SPAG17: variants seen among roughly 807,000 people sequenced by gnomAD.
SPAG17 encodes sperm-associated antigen 17.
Under a neutral mutation model 273.6 loss-of-function variants are expected in SPAG17, and 169 were observed. The observed-to-expected ratio is 0.62, with a 90% CI of 0.55 to 0.70. The LOEUF is 0.70. SPAG17 is among the 30% of genes least tolerant of loss of function. The pLI, the probability that SPAG17 is intolerant of heterozygous loss-of-function variation, is 0.00. For missense variants in SPAG17, 2,557 were observed against 2,627.8 expected (o/e 0.97, Z 0.59); for synonymous variants, 825 against 873.2 (o/e 0.94, Z 0.97).
At position 118,042,371 on chromosome 1, in the gene SPAG17, C is replaced by A. The variant is rs550285771; in HGVS notation, c.2815-329G>T. Reference sequence around the variant, plus strand: ...CTTAACTGGTCTCCCAGTCTCCTATCCTCCACATGAGTCCGATCTTTAATT... The same window carrying A: ...CTTAACTGGTCTCCCAGTCTCCTATACTCCACATGAGTCCGATCTTTAATT... On this transcript the variant is annotated intron_variant, in intron 20 of 48. Transcript: ENST00000336338. Among the ~76,000 whole-genome samples the A allele has an allele frequency of 4.6e-5, 7 of 152,272 alleles. No individual in the cohort carries two copies. In the East Asian group the frequency reaches 1.4e-3, roughly 29 times the overall value.
chr1:117,994,688 TAAG>T (rs1437277640), intron 34 of SPAG17, among the ~76,000 whole-genome samples, 158 bp from the exon 35 acceptor site: 14 of 152,126 alleles, frequency 9.2e-5, no homozygotes, highest in Admixed American at 8.5e-4. Flanking sequence ...TACAATCAAA[TAAG>T]AAGGATGAAG....
chr1:118,165,249 T>C (rs1660107539), intron 1 of SPAG17, among the ~76,000 whole-genome samples: 1 of 152,086 alleles, frequency 6.6e-6, no homozygotes, highest in Admixed American at 6.5e-5. Context: ...GGCCTAAGGA[T>C]TTTCATCTCT....
chr1:118,033,003 C>A (rs1557934371), intron 24 of SPAG17, among the ~76,000 whole-genome samples: 1 of 152,098 alleles, frequency 6.6e-6, no homozygotes, highest in Non-Finnish European at 1.5e-5. Flanking sequence ...CCACCTTGAC[C>A]TACTGAATCA....
chr1:117,994,267 T>C (rs1657417353), intron 35 of SPAG17, 139 bp downstream of exon 35: 1 of 850,564 alleles, frequency 1.2e-6, no homozygotes, highest in East Asian at 3.1e-5. Flanking sequence ...TCTTCAAATA[T>C]AAAACTCCTT....
chr1:118,085,245 G>A (rs1654898176), intron 13 of SPAG17, among the ~76,000 whole-genome samples: 2 of 152,070 alleles, frequency 1.3e-5, no homozygotes, highest in Admixed American at 1.3e-4. Context: ...AGGACAGAAT[G>A]GAAAGAGACA....
intron 4 of SPAG17, among the ~76,000 whole-genome samples, chr1:118,109,189 T>A (rs1656602152): frequency 6.6e-6 from 1 of 151,036 alleles, no homozygotes; most frequent in South Asian, 2.1e-4. Context: ...GTTGTCAGAC[T>A]GGAGTGCAGT....
intron 48 of SPAG17, chr1:117,962,750 T>C (rs1275276437): frequency 1.3e-5 from 2 of 152,242 alleles, no homozygotes; most frequent in Non-Finnish European, 1.5e-5. Flanking sequence ...TCTAAAGATA[T>C]CTAGCAAATC....
chr1:118,085,090 A>C (rs1654882916), intron 13 of SPAG17, among the ~76,000 whole-genome samples: 1 of 152,206 alleles, frequency 6.6e-6, no homozygotes. Context: ...ACTCTTTCTT[A>C]GTTCCTTCCT....
At chr1:118,129,916 G>A (rs138798894) in intron 3 of SPAG17, among the ~76,000 whole-genome samples, 1 of 152,098 alleles carries the variant, frequency 6.6e-6, no homozygotes, top group East Asian at 1.9e-4. Flanking sequence ...CTAATGTCCT[G>A]CTAGACAAAG....
chr1:118,175,035 TA>T (rs1244394790), intron 1 of SPAG17, among the ~76,000 whole-genome samples: 3 of 151,990 alleles, frequency 2.0e-5, no homozygotes, highest in Non-Finnish European at 4.4e-5. Context: ...TTTATTTATT[TA>T]TTTATTTATT....
chr1:118,104,178 T>C (rs1232710125), intron 4 of SPAG17, among the ~76,000 whole-genome samples: 2 of 152,128 alleles, frequency 1.3e-5, no homozygotes, highest in African/African-American at 4.8e-5. Context: ...TAGATTAAAG[T>C]GTTGGCAGAG....
Position 117,977,068 on chromosome 1 carries a change from G to T in SPAG17, c.6005-3507C>A, listed in dbSNP as rs150009739. On this transcript the variant is annotated intron_variant, in intron 43 of 48. Transcript: ENST00000336338. ...CTCACACCTGTAATTCCAGCACTTTGGGAGGCCGAGGTGGGCAGATCACCT... is the reference window on the plus strand; with the variant it reads ...CTCACACCTGTAATTCCAGCACTTTTGGAGGCCGAGGTGGGCAGATCACCT... Among the ~76,000 whole-genome samples the T allele has an allele frequency of 5.1e-3, 776 of 152,110 alleles. 6 individuals are homozygous for T. Among genetic ancestry groups the T allele is most frequent in the African/African-American group, 0.017 (720 of 41,468 alleles).
chr1:118,091,963 C>T lies in SPAG17; in HGVS notation c.1213G>A (p.Ala405Thr). The T allele has an allele frequency of 6.2e-7, 1 of 1,613,616 alleles. No individual in the cohort carries two copies. The highest frequency in any genetic ancestry group is 8.5e-7 in the Non-Finnish European group (1 of 1,179,612). Residue 405 changes from alanine (A) to threonine (T), a missense_variant, in exon 9 of 49, where the codon GCA becomes ACA. Transcript: ENST00000336338. ...PAVPAPGKKK[A>T]QYEEPQAPPP... ...GGAGCTTGCGGTTCTTCATACTGTG[C>T]TTTCTTCTTTCCAGGAGCTGGTACA...
At chr1:118,005,099 C>A (rs577091717) in intron 32 of SPAG17, among the ~76,000 whole-genome samples, 1 of 152,188 alleles carries the variant, frequency 6.6e-6, no homozygotes, top group Non-Finnish European at 1.5e-5. Flanking sequence ...TGGATAAGGA[C>A]CATTGCCACA....
At chr1:118,053,939 A>G in intron 20 of SPAG17, 63 bp downstream of exon 20, 4 of 1,234,938 alleles carry the variant, frequency 3.2e-6, no homozygotes, top group Middle Eastern at 4.1e-4. Context: ...AAAGTCAACC[A>G]CTATCCTGTT....
At position 118,107,589 on chromosome 1, in the gene SPAG17, G is replaced by A. The variant is rs1487879078; in HGVS notation, c.448-5663C>T. Among the ~76,000 whole-genome samples, 3 of 151,978 alleles carry A rather than the reference G, an allele frequency of 2.0e-5. No individual in the cohort carries two copies. In the East Asian group the frequency reaches 5.8e-4, roughly 29 times the overall value. On this transcript the variant is annotated intron_variant, in intron 4 of 48. Transcript: ENST00000336338. ...GGCCCAGACTGGACTCAAACTCCTG[G>A]GCTCAAGAAATCCTCCTACCTCAGA...
Position 118,097,807 on chromosome 1 carries a change from G to A in SPAG17, c.874C>T (p.Leu292Phe), listed in dbSNP as rs1396924193. The change falls in exon 7 of 49, where the codon CTT becomes TTT. Residue 292 changes from leucine to phenylalanine, a missense_variant. Leu to Phe is a conservative substitution (Grantham distance 22, BLOSUM62 0). Transcript: ENST00000336338. The stretch of plus-strand genomic sequence containing the variant: ...TCCAAGTACTTCCAGAAAGTTTTAA[G>A]CTCTTTTATGGCATTTTCTTTCTTC... ...KLKKENAIKE[L>F]KTFWKYLEPV... The A allele has an allele frequency of 1.2e-6, 2 of 1,602,786 alleles. No homozygotes were observed. Among genetic ancestry groups the A allele is most frequent in the African/African-American group, 1.3e-5 (1 of 74,172 alleles).
intron 48 of SPAG17, chr1:117,957,249 A>G: frequency 1.3e-6 from 2 of 1,565,412 alleles, no homozygotes; most frequent in Non-Finnish European, 1.7e-6. Context: ...CTGCTTCAGT[A>G]GTACCTTAAC....
chr1:118,147,266 G>GTATGT (rs1659059923), intron 3 of SPAG17, among the ~76,000 whole-genome samples: 1 of 152,094 alleles, frequency 6.6e-6, no homozygotes, highest in Non-Finnish European at 1.5e-5. Flanking sequence ...GCTTTAACGA[G>GTATGT]TATGTTTGTT....
Sources: gnomAD v4.1 joint callset for allele counts (sites outside exome capture counted in the v4.1 genomes callset) on GRCh38, gnomAD v4.1.1 for gene constraint, MANE v1.5 for transcripts, NCBI Gene and HGNC (gene_info 2026-07-23, HGNC 2026-07-21) for gene names.